Variants in MYRIP observed in about 807,000 individuals in gnomAD.
The protein encoded by MYRIP is rab effector MyRIP.
Under a neutral mutation model 98.0 loss-of-function variants are expected in MYRIP, and 49 were observed. The ratio of observed to expected loss-of-function variants is 0.50; its 90% confidence interval spans 0.40 to 0.63. The LOEUF (loss-of-function observed/expected upper bound fraction) is 0.63. Ranked by LOEUF, MYRIP falls within the 30% of genes least tolerant of loss-of-function variation. The pLI is 0.00. For synonymous variants in MYRIP, 404 were observed against 409.5 expected (o/e 0.99, Z 0.16); for missense variants, 1,004 against 1,058.2 (o/e 0.95, Z 0.71).
chr3:39,880,429 A>T (rs1350328549), intron 1 of MYRIP, among the ~76,000 whole-genome samples: 1 of 152,280 alleles, frequency 6.6e-6, no homozygotes, highest in African/African-American at 2.4e-5. Context: ...TAAAAGCTGC[A>T]TAATTTTCTA....
At chr3:40,034,084 C>A (rs573363418) in intron 2 of MYRIP, among the ~76,000 whole-genome samples, 49 of 152,100 alleles carry the variant, frequency 3.2e-4, no homozygotes, top group Admixed American at 1.2e-3. Context: ...AGATGGATTA[C>A]AGACTTAAAC....
chr3:39,887,123 G>T (rs1943328120), intron 1 of MYRIP, among the ~76,000 whole-genome samples: 1 of 151,900 alleles, frequency 6.6e-6, no homozygotes. Flanking sequence ...CAGAAATAAA[G>T]ATGTTCTTTG....
chr3:39,948,418 A>T (rs1944944136), intron 2 of MYRIP, among the ~76,000 whole-genome samples: 1 of 152,204 alleles, frequency 6.6e-6, no homozygotes, highest in South Asian at 2.1e-4. Context: ...ACAGCTACAG[A>T]GTAATAAGAA....
rs149122168 is a variant in MYRIP at position 40,120,198 on chromosome 3, T to C, written c.333-30850T>C. Among the ~76,000 whole-genome samples the C allele has an allele frequency of 1.3e-3, 201 of 152,302 alleles. 1 individual carries two copies. The highest frequency in any genetic ancestry group is 7.5e-3 in the East Asian group (39 of 5,174). On this transcript the variant is annotated intron_variant, in intron 3 of 16. Transcript: ENST00000302541. Reference sequence around the variant, plus strand: ...AGTTTTATTATATTTTAGCCTAATATAGCAAAATCCCTACCTTTAATTTTC... The same window carrying C: ...AGTTTTATTATATTTTAGCCTAATACAGCAAAATCCCTACCTTTAATTTTC...
intron 1 of MYRIP, among the ~76,000 whole-genome samples, chr3:39,873,166 C>G (rs1434033244): frequency 6.6e-6 from 1 of 152,126 alleles, no homozygotes; most frequent in Non-Finnish European, 1.5e-5. Context: ...ATGTCTTTTG[C>G]CCACTTTTTG....
chr3:39,874,856 A>G (rs1942932339), intron 1 of MYRIP, among the ~76,000 whole-genome samples: 1 of 152,186 alleles, frequency 6.6e-6, no homozygotes. Context: ...CTGGCCTCAT[A>G]AAATGAGTAA....
chr3:40,084,639 A>T (rs199864438), intron 3 of MYRIP, among the ~76,000 whole-genome samples: 2 of 128,540 alleles, frequency 1.6e-5, no homozygotes, highest in East Asian at 2.4e-4. Context: ...TATGTATTAT[A>T]TATCGATAAT....
intron 9 of MYRIP, among the ~76,000 whole-genome samples, chr3:40,183,305 T>G (rs1202515038): frequency 4.6e-5 from 7 of 152,136 alleles, no homozygotes; most frequent in African/African-American, 1.7e-4. Flanking sequence ...CTGAGGGACA[T>G]CCTGAGGAAG....
At chr3:39,890,179 C>T (rs1358784338) in intron 1 of MYRIP, among the ~76,000 whole-genome samples, 1 of 151,160 alleles carries the variant, frequency 6.6e-6, no homozygotes, top group South Asian at 2.1e-4. Flanking sequence ...CGTTTTTTTT[C>T]CCCCATTTTC....
At chr3:39,893,679 C>CACAT (rs1214814761) in intron 1 of MYRIP, among the ~76,000 whole-genome samples, 9 of 42,608 alleles carry the variant, frequency 2.1e-4, no homozygotes, top group African/African-American at 6.6e-4. Flanking sequence ...GGAAATCACA[C>CACAT]ACACACACAC....
intron 15 of MYRIP, among the ~76,000 whole-genome samples, chr3:40,251,209 G>A (rs1050553320): frequency 3.3e-5 from 5 of 152,208 alleles, no homozygotes; most frequent in African/African-American, 1.2e-4. Context: ...GGAGGAGAAA[G>A]TCCAAAAATG....
intron 1 of MYRIP, among the ~76,000 whole-genome samples, chr3:39,844,364 A>G (rs375149602): frequency 2.0e-4 from 30 of 152,308 alleles, no homozygotes; most frequent in South Asian, 1.7e-3. Context: ...CAGCTGCCCA[A>G]TTCTGGTTGG....
At chr3:39,987,295 A>C (rs1278485066) in intron 2 of MYRIP, among the ~76,000 whole-genome samples, 1 of 152,116 alleles carries the variant, frequency 6.6e-6, no homozygotes, top group African/African-American at 2.4e-5. Context: ...GCTGAGGATG[A>C]TGGCTTTCAG....
chr3:40,182,618 T>C (rs1950911575), intron 9 of MYRIP, among the ~76,000 whole-genome samples: 1 of 152,188 alleles, frequency 6.6e-6, no homozygotes, highest in Admixed American at 6.5e-5. Flanking sequence ...GTCATCATAT[T>C]CTATGCTCTG....
intron 2 of MYRIP, among the ~76,000 whole-genome samples, chr3:40,010,712 C>T (rs1340160543): frequency 6.6e-6 from 1 of 152,148 alleles, no homozygotes; most frequent in Non-Finnish European, 1.5e-5. Flanking sequence ...CTCTAAGCTG[C>T]CATACCTCCC....
chr3:40,215,137 A>G (rs1179806265), intron 11 of MYRIP, among the ~76,000 whole-genome samples: 1 of 152,174 alleles, frequency 6.6e-6, no homozygotes, highest in Non-Finnish European at 1.5e-5. Context: ...ACTATAGTCA[A>G]ATTTGTACAT....
At chr3:39,995,609 T>C (rs34584465) in intron 2 of MYRIP, among the ~76,000 whole-genome samples, 41,918 of 152,026 alleles carry the variant, frequency 0.28, 6,454 homozygotes, top group Non-Finnish European at 0.35. Context: ...TGGAAAACAC[T>C]CTGCAGGATA....
At chr3:40,246,599 T>TGGCCTTCTA (rs1953214614) in intron 13 of MYRIP, among the ~76,000 whole-genome samples, 1 of 152,126 alleles carries the variant, frequency 6.6e-6, no homozygotes, top group Non-Finnish European at 1.5e-5. Flanking sequence ...TGAAGACATG[T>TGGCCTTCTA]GGCCTTCTAT....
chr3:40,076,150 G>T (rs1948339271), intron 3 of MYRIP, among the ~76,000 whole-genome samples: 3 of 152,180 alleles, frequency 2.0e-5, no homozygotes, highest in Admixed American at 2.0e-4. Context: ...AGTGCAATGA[G>T]CTGTGATTGC....
Sources: allele counts gnomAD v4.1 joint callset (sites outside exome capture counted in the v4.1 genomes callset), GRCh38; gene constraint gnomAD v4.1.1; transcripts MANE v1.5; gene names NCBI Gene and HGNC (gene_info 2026-07-23, HGNC 2026-07-21).